Variants in NXN observed in about 807,000 individuals in gnomAD.
NXN encodes the protein nucleoredoxin 1.
In NXN, 16 loss-of-function variants were observed where a neutral mutation model predicts 48.6. The ratio of observed to expected loss-of-function variants is 0.33; its 90% CI spans 0.22 to 0.50. The LOEUF is 0.50. NXN is among the 20% of genes least tolerant of loss of function. NXN has a pLI of 0.98. For missense variants in NXN, 492 were observed against 605.5 expected (o/e 0.81, Z 1.97); for synonymous variants, 281 against 269.6 (o/e 1.04, Z -0.41).
intron 4 of NXN, among the ~76,000 whole-genome samples, chr17:821,648 G>A (rs1262555620): frequency 1.3e-5 from 1 of 79,410 alleles, no homozygotes; most frequent in Admixed American, 1.1e-4. Flanking sequence ...CTATTCGAGA[G>A]GCTGAGGCAG....
At chr17:957,996 C>CA (rs145977458) in intron 1 of NXN, among the ~76,000 whole-genome samples, 5,752 of 152,256 alleles carry the variant, frequency 0.038, 235 homozygotes, top group African/African-American at 0.1. Context: ...GGAGCACGGG[C>CA]AGCCCCCATC....
At chr17:821,879 CAA>C (rs1267118317) in intron 4 of NXN, among the ~76,000 whole-genome samples, 1 of 151,846 alleles carries the variant, frequency 6.6e-6, no homozygotes, top group Non-Finnish European at 1.5e-5. Flanking sequence ...AAAAGCTGAG[CAA>C]ATCAGAAAAT....
At chr17:943,512 CAT>C (rs911477365) in intron 1 of NXN, among the ~76,000 whole-genome samples, 18 of 152,340 alleles carry the variant, frequency 1.2e-4, no homozygotes, top group Non-Finnish European at 5.9e-5. Context: ...GTCATTAAAT[CAT>C]ATCTTTCTTC....
intron 4 of NXN, 76 bp from the exon 5 acceptor site, chr17:819,621 A>C: frequency 1.9e-6 from 2 of 1,045,808 alleles, no homozygotes; most frequent in South Asian, 3.0e-5. Context: ...ACCTCTGCCG[A>C]GTTCTGCCCA....
intron 1 of NXN, among the ~76,000 whole-genome samples, chr17:896,184 C>CA (rs2068483045): frequency 6.6e-6 from 1 of 151,092 alleles, no homozygotes; most frequent in African/African-American, 2.4e-5. Flanking sequence ...ACTAAAAATA[C>CA]AAAAAATTAG....
At chr17:955,611 G>A (rs1030089379) in intron 1 of NXN, among the ~76,000 whole-genome samples, 13 of 145,920 alleles carry the variant, frequency 8.9e-5, no homozygotes, top group South Asian at 2.2e-4. Context: ...CCAGCACCTC[G>A]GGAGGCCGGA....
intron 5 of NXN, 22 bp from the exon 6 acceptor site, chr17:805,269 T>A (rs1385048110): frequency 6.3e-7 from 1 of 1,592,880 alleles, no homozygotes; most frequent in Non-Finnish European, 8.6e-7. Flanking sequence ...AGGGGGTGCT[T>A]GGCCGCTGGC....
At chr17:934,849 G>A (rs1190566274) in intron 1 of NXN, among the ~76,000 whole-genome samples, 2 of 152,086 alleles carry the variant, frequency 1.3e-5, no homozygotes, top group Non-Finnish European at 2.9e-5. Flanking sequence ...ACTACAGCCT[G>A]GGTGACAGGA....
chr17:808,515 G>C (rs373054659), intron 5 of NXN, among the ~76,000 whole-genome samples: 2 of 151,442 alleles, frequency 1.3e-5, no homozygotes, highest in Admixed American at 1.3e-4. Context: ...GGATGGTCTC[G>C]AACTCCCGAC....
intron 1 of NXN, among the ~76,000 whole-genome samples, chr17:892,987 C>A (rs571484440): frequency 2.6e-5 from 4 of 152,206 alleles, no homozygotes; most frequent in Non-Finnish European, 5.9e-5. Flanking sequence ...GGGAGGGGTA[C>A]CTGTGAACTC....
rs566992415 is a variant in NXN at position 905,876 on chromosome 17, T to C, written c.360+73443A>G. On this transcript the variant is annotated intron_variant, in intron 1 of 7. Transcript: ENST00000336868. Reference sequence around the variant, plus strand: ...CCTGTGGTCCCAGCTACTCAGGAGGTTGGGGTGGGAGGATCGCTTGAGCCC... The same window carrying C: ...CCTGTGGTCCCAGCTACTCAGGAGGCTGGGGTGGGAGGATCGCTTGAGCCC... Among the ~76,000 whole-genome samples, 6 of 150,206 alleles carry C rather than the reference T, an allele frequency of 4.0e-5. No individual in the cohort carries two copies. In the South Asian group the frequency reaches 1.1e-3, roughly 27 times the overall value.
At chr17:929,357 A>G (rs1207071489) in intron 1 of NXN, among the ~76,000 whole-genome samples, 1 of 152,178 alleles carries the variant, frequency 6.6e-6, no homozygotes, top group Admixed American at 6.5e-5. Context: ...CCAATTGGCT[A>G]CACGTTTTGA....
At chr17:854,519 G>C (rs551492325) in intron 1 of NXN, among the ~76,000 whole-genome samples, 1 of 151,866 alleles carries the variant, frequency 6.6e-6, no homozygotes, top group Non-Finnish European at 1.5e-5. Context: ...GCCAGGCGTG[G>C]TGGCGGGCAC....
intron 1 of NXN, among the ~76,000 whole-genome samples, chr17:927,580 CAA>C (rs71371593): frequency 6.0e-5 from 7 of 117,626 alleles, no homozygotes; most frequent in Non-Finnish European, 8.3e-5. Context: ...AACCTTGTCT[CAA>C]AAAAAAAAAA....
At chr17:887,631 C>T (rs547123881) in intron 1 of NXN, among the ~76,000 whole-genome samples, 12 of 152,178 alleles carry the variant, frequency 7.9e-5, no homozygotes, top group Admixed American at 4.6e-4. Flanking sequence ...AGTGTGTGCT[C>T]GCCAATTAAA....
chr17:966,577 C>T (rs2150634789), intron 1 of NXN, among the ~76,000 whole-genome samples: 1 of 151,774 alleles, frequency 6.6e-6, no homozygotes, highest in East Asian at 1.9e-4. Flanking sequence ...AAACTCCTGA[C>T]CTCAGGGGAT....
At position 911,418 on chromosome 17, in the gene NXN, C is replaced by CA. The variant is rs372496921; in HGVS notation, c.360+67900dup. On this transcript the variant is annotated intron_variant, in intron 1 of 7. Transcript: ENST00000336868. ...GCAGTGGCGCGATCTCGGCTTGCTG[C>CA]AAGCTCCGCCTCCCAGGTTCATGCC... Among the ~76,000 whole-genome samples, 128 of 142,788 alleles carry CA rather than the reference C, an allele frequency of 9.0e-4. 1 individual carries two copies. Among genetic ancestry groups the CA allele is most frequent in the African/African-American group, 3.0e-3 (113 of 38,254 alleles). The allele number at this position is 142,788 out of a possible 152,430, so 93.7% of individuals were successfully genotyped here.
intron 1 of NXN, among the ~76,000 whole-genome samples, chr17:870,067 T>C (rs1035526031): frequency 6.6e-6 from 1 of 152,068 alleles, no homozygotes; most frequent in Non-Finnish European, 1.5e-5. Context: ...ACTGACACAG[T>C]AGGTAGAAGC....
chr17:867,606 T>G (rs1037385868), intron 1 of NXN, among the ~76,000 whole-genome samples: 1 of 152,116 alleles, frequency 6.6e-6, no homozygotes, highest in South Asian at 2.1e-4. Flanking sequence ...AAGAGAAAAA[T>G]AGACAGTTTA....
Sources: gnomAD v4.1 joint callset for allele counts (sites outside exome capture counted in the v4.1 genomes callset) on GRCh38, gnomAD v4.1.1 for gene constraint, MANE v1.5 for transcripts, NCBI Gene and HGNC (gene_info 2026-07-23, HGNC 2026-07-21) for gene names.